The following HSPA14 variants were observed in gnomAD, a reference collection of about 807,000 sequenced individuals.
HSPA14 encodes heat shock 70 kDa protein 14.
In HSPA14, 37 loss-of-function variants were observed where a neutral mutation model predicts 65.5. The observed-to-expected ratio is 0.56, with a 90% CI of 0.43 to 0.74. HSPA14 has a LOEUF of 0.74. Ranked by LOEUF, HSPA14 falls within the 30% of genes least tolerant of loss-of-function variation. The probability of loss-of-function intolerance (pLI) is 0.00; values close to 1 mark genes in which losing one functional copy is unlikely to be tolerated. For synonymous variants in HSPA14, 203 were observed against 214.2 expected (o/e 0.95, Z 0.46); for missense variants, 564 against 607.6 (o/e 0.93, Z 0.75).
chr10:14,859,283 T>G (rs1488236917), intron 10 of HSPA14, among the ~76,000 whole-genome samples: 1 of 152,186 alleles, frequency 6.6e-6, no homozygotes, highest in Non-Finnish European at 1.5e-5. Flanking sequence ...TCCACACGTG[T>G]GCTTTCCAGC....
intron 13 of HSPA14, 21 bp from the exon 14 acceptor site, chr10:14,871,503 GTTCT>G (rs767123644): frequency 7.2e-6 from 10 of 1,381,304 alleles, no homozygotes; most frequent in Admixed American, 1.9e-5. Context: ...CTTGTGCAAT[GTTCT>G]TTATTTTTTT....
At chr10:14,871,504 T>C in intron 13 of HSPA14, 24 bp from the exon 14 acceptor site, 1 of 1,393,304 alleles carries the variant, frequency 7.2e-7, no homozygotes, top group Admixed American at 1.9e-5. Flanking sequence ...TTGTGCAATG[T>C]TCTTTATTTT....
intron 5 of HSPA14, chr10:14,849,486 C>G: frequency 1.6e-6 from 1 of 614,518 alleles, no homozygotes; most frequent in Non-Finnish European, 3.1e-6. Context: ...ATACTGAAGC[C>G]TAAGAGCCAG....
In HSPA14 at chr10:14,842,150, T is replaced by C. The variant is rs764977817; in HGVS notation, c.221+1993T>C. 6.1e-5 allele frequency: 93 copies of C among 1,534,476 alleles called. 3 individuals are homozygous for C. The South Asian group carries it at 1.1e-3, about 18-fold the overall frequency. ...GCCTTCCAGCCAGAAATGCGGTCCTTGGACCTGGCTTCTCAGCAATTATCC... is the reference window on the plus strand; with the variant it reads ...GCCTTCCAGCCAGAAATGCGGTCCTCGGACCTGGCTTCTCAGCAATTATCC... On this transcript the variant is annotated intron_variant, in intron 3 of 13. Transcript: ENST00000378372. This position sits in a 1 kb window ranked among gnomAD's most constrained non-coding sequence, Gnocchi z 5.2.
At position 14,867,974 on chromosome 10, in the gene HSPA14, A is replaced by G. The variant is rs369975066; in HGVS notation, c.1380+65A>G. The G allele has an allele frequency of 6.3e-5, 80 of 1,278,172 alleles. No homozygotes were observed. The African/African-American group carries it at 9.7e-4, about 16-fold the overall frequency. 79.2% of individuals were successfully genotyped at this position (1,278,172 alleles called of 1,614,324 possible). A position where few individuals can be genotyped will look rare whatever the true frequency, so the allele number is the denominator to read the frequency against. On this transcript the variant is annotated intron_variant, in intron 12 of 13. Transcript: ENST00000378372. ...TGCTTTCTGGATTAGATTCAGTTTA[A>G]TATCTTAATACAAAATGTGTATATA...
At position 14,840,156 on chromosome 10, in the gene HSPA14, A is replaced by T; in HGVS notation, c.220A>T (p.Ser74Cys). 1.4e-6 allele frequency: 2 copies of T among 1,391,118 alleles called. No individual in the cohort carries two copies. Among genetic ancestry groups the T allele is most frequent in the Non-Finnish European group, 1.9e-6 (2 of 1,033,122 alleles). 86.2% of individuals were successfully genotyped at this position (1,391,118 alleles called of 1,614,324 possible). The part of the protein sequence containing the change: ...VMKVKQILGR[S>C]SSDPQAQKYI... ...GAAAGTAAAGCAGATCCTGGGCAGA[A>T]GGTATGGAATCAAATGATACTTTTA... is the stretch of plus-strand genomic sequence containing the variant. Residue 74 changes from serine (S) to cysteine (C), a missense_variant and splice_region_variant, in exon 3 of 14, where the codon AGC becomes TGC. Coordinates refer to ENST00000378372, the MANE Select transcript of HSPA14 (RefSeq NM_016299.4).
rs1349686754 is a variant in HSPA14 at position 14,842,523 on chromosome 10, A to G, written c.221+2366A>G. On this transcript the variant is annotated intron_variant, in intron 3 of 13. Coordinates refer to ENST00000378372, the MANE Select transcript of HSPA14 (RefSeq NM_016299.4). This position sits in a 1 kb window ranked among gnomAD's most constrained non-coding sequence, Gnocchi z 5.2. ...TTATATTTAAAGGCCTATGTTGCCC[A>G]TGCCACAAGTATGGGTGAGCCACCA... 6 of 1,536,072 alleles carry G rather than the reference A, an allele frequency of 3.9e-6. No individual in the cohort carries two copies. Among genetic ancestry groups the G allele is most frequent in the Non-Finnish European group, 5.2e-6 (6 of 1,146,930 alleles).
intron 3 of HSPA14, chr10:14,843,459 A>T: frequency 6.4e-7 from 1 of 1,550,628 alleles, no homozygotes; most frequent in South Asian, 1.2e-5. Context: ...CCATGGCCAG[A>T]CTGGGTGTGT....
intron 9 of HSPA14, 88 bp downstream of exon 9, chr10:14,854,368 G>A: frequency 9.0e-7 from 1 of 1,112,890 alleles, no homozygotes; most frequent in Non-Finnish European, 1.3e-6. Context: ...TTTTTTGTTT[G>A]TTTGTTTGAG....
intron 10 of HSPA14, among the ~76,000 whole-genome samples, chr10:14,857,501 T>C (rs1384054619): frequency 6.6e-6 from 1 of 152,240 alleles, no homozygotes; most frequent in Non-Finnish European, 1.5e-5. Context: ...TATATTTCAT[T>C]GGTTACTAGA....
chr10:14,852,074 T>C (rs1361860782), intron 7 of HSPA14, among the ~76,000 whole-genome samples: 1 of 152,238 alleles, frequency 6.6e-6, no homozygotes, highest in African/African-American at 2.4e-5. Context: ...TCTCTTAAAA[T>C]TCACTATAAT....
rs1245759960 is a variant in HSPA14 at position 14,867,306 on chromosome 10, C to T, written c.1206+11C>T. ...GATATTTTAGTTAAGGTATGTTTAGCTTTTGTATACTAGTTAAGGTATGTT... is the reference window on the plus strand; with the variant it reads ...GATATTTTAGTTAAGGTATGTTTAGTTTTTGTATACTAGTTAAGGTATGTT... On this transcript the variant is annotated intron_variant, in intron 11 of 13. Transcript: ENST00000378372. The T allele has an allele frequency of 6.5e-7, 1 of 1,538,128 alleles. No homozygotes were observed.
intron 10 of HSPA14, among the ~76,000 whole-genome samples, chr10:14,865,239 T>G (rs1031768553): frequency 2.6e-5 from 4 of 152,104 alleles, no homozygotes; most frequent in Admixed American, 2.6e-4. Flanking sequence ...GTCAGATGAG[T>G]AGATTGCAAA....
At chr10:14,852,554 A>T in intron 8 of HSPA14, 23 bp downstream of exon 8, 1 of 1,527,110 alleles carries the variant, frequency 6.5e-7, no homozygotes, top group Non-Finnish European at 8.8e-7. Flanking sequence ...GGCCTGAATA[A>T]TACCTTCTGA....
Position 14,842,504 on chromosome 10 carries a change from T to G in HSPA14, c.221+2347T>G, listed in dbSNP as rs930582047. On this transcript the variant is annotated intron_variant, in intron 3 of 13. Transcript: ENST00000378372. This position sits in a 1 kb window ranked among gnomAD's most constrained non-coding sequence, Gnocchi z 5.2. ...GTTTAAAGTTCTGAAGGCATTATAT[T>G]TAAAGGCCTATGTTGCCCATGCCAC... The G allele has an allele frequency of 2.0e-6, 3 of 1,536,008 alleles. No individual in the cohort carries two copies. Among genetic ancestry groups the G allele is most frequent in the Non-Finnish European group, 2.6e-6 (3 of 1,146,926 alleles).
intron 10 of HSPA14, 49 bp from the exon 11 acceptor site, chr10:14,867,034 A>G: frequency 7.4e-7 from 1 of 1,356,254 alleles, no homozygotes; most frequent in Non-Finnish European, 1.1e-6. Context: ...ATTTTGAGAC[A>G]CAGCATTCTT....
In HSPA14 at chr10:14,863,253, G is replaced by C. The variant is rs1048056467; in HGVS notation, c.994-3830G>C. Among the ~76,000 whole-genome samples the C allele has an allele frequency of 5.3e-5, 8 of 152,188 alleles. No homozygotes were observed. In the East Asian group the frequency reaches 1.3e-3, roughly 26 times the overall value. ...ATGAAAGATTAGATGGACCATTTCA[G>C]ACTTCTCTACCTGACCTATATCGTC... On this transcript the variant is annotated intron_variant, in intron 10 of 13. Transcript: ENST00000378372.
intron 3 of HSPA14, chr10:14,844,773 C>A: frequency 1.0e-6 from 1 of 984,504 alleles, no homozygotes; most frequent in Non-Finnish European, 1.2e-6. Context: ...CTTTATATGC[C>A]TAAATTACAT....
chr10:14,848,097 G>GTA (rs1834076362), intron 3 of HSPA14, among the ~76,000 whole-genome samples: 1 of 152,186 alleles, frequency 6.6e-6, no homozygotes, highest in East Asian at 1.9e-4. Flanking sequence ...GCTTATATCT[G>GTA]TATATATATG....
Sources: allele counts gnomAD v4.1 joint callset (sites outside exome capture counted in the v4.1 genomes callset), GRCh38; gene constraint gnomAD v4.1.1; non-coding constraint Gnocchi (gnomAD v3.1); transcripts MANE v1.5; gene names NCBI Gene and HGNC (gene_info 2026-07-23, HGNC 2026-07-21).